HSPA12B: variants seen among roughly 807,000 people sequenced by gnomAD.
HSPA12B encodes heat shock protein family A (Hsp70) member 12B.
Under a neutral mutation model 69.3 loss-of-function variants are expected in HSPA12B, and 54 were observed. The ratio of observed to expected loss-of-function variants is 0.78; its 90% CI spans 0.63 to 0.98. The LOEUF is 0.98. HSPA12B is among the 50% of genes least tolerant of loss of function. HSPA12B has a pLI of 0.00. For synonymous variants in HSPA12B, 441 were observed against 436.5 expected, an observed-to-expected ratio of 1.01 and a Z score of -0.13; for missense variants, 929 against 999.8, an observed-to-expected ratio of 0.93 and a Z score of 0.96.
chr20:3,751,933 T>G lies in HSPA12B; in HGVS notation c.1828T>G (p.Cys610Gly). 6.3e-7 allele frequency: 1 copy of G among 1,588,274 alleles called. No individual in the cohort carries two copies. The highest frequency in any genetic ancestry group is 8.5e-7 in the Non-Finnish European group (1 of 1,172,176). ...GQRRVLINLYCCAAEDARFIT... is the reference protein window; with the variant it reads ...GQRRVLINLYGCAAEDARFIT... ...GCGGCGCGTACTCATCAACCTGTAC[T>G]GCTGCGCGGCAGAGGATGCGCGCTT... The change falls in exon 13 of 13, where the codon TGC becomes GGC. Residue 610 changes from cysteine to glycine, a missense_variant. By Grantham distance (159) the Cys-to-Gly change is radical. Coordinates refer to ENST00000254963, the MANE Select transcript of HSPA12B (RefSeq NM_052970.5).
At position 3,751,950 on chromosome 20, in the gene HSPA12B, T is replaced by TG. The variant is rs747409375; in HGVS notation, c.1846dup (p.Ala616GlyfsTer20). The TG allele has an allele frequency of 3.2e-6, 5 of 1,584,594 alleles. No homozygotes were observed. In the South Asian group the frequency reaches 5.6e-5, roughly 18 times the overall value. On this transcript the variant is annotated frameshift_variant, in exon 13 of 13. Coordinates refer to ENST00000254963, the MANE Select transcript of HSPA12B (RefSeq NM_052970.5). LOFTEE classifies it high-confidence loss of function. Reference sequence around the variant, plus strand: ...ACCTGTACTGCTGCGCGGCAGAGGATGCGCGCTTCATCACCGACCCCGGCG... The same window carrying TG: ...ACCTGTACTGCTGCGCGGCAGAGGATGGCGCGCTTCATCACCGACCCCGGCG...
intron 12 of HSPA12B, 68 bp downstream of exon 12, chr20:3,750,975 C>CA: frequency 7.6e-7 from 1 of 1,312,198 alleles, no homozygotes. Context: ...AATTCCCCCC[C>CA]ATCAGTGCCT....
Position 3,745,536 on chromosome 20 carries a change from C to G in HSPA12B, c.497C>G (p.Thr166Arg), listed in dbSNP as rs2088284090. Residue 166 changes from threonine (T) to arginine (R), a missense_variant, in exon 6 of 13, where the codon ACG becomes AGG. Thr to Arg is a moderately conservative substitution (Grantham distance 71, BLOSUM62 -1). Transcript: ENST00000254963. The surrounding 1 kb of genome is among the most constrained non-coding windows in gnomAD (Gnocchi z 5.6). ...KTQLEAVNGKTMPALEVFAHA... is the reference protein window; with the variant it reads ...KTQLEAVNGKRMPALEVFAHA... ...CAGCTAGAGGCAGTAAATGGAAAGA[C>G]GATGCCCGCCCTGGAGGTGTTCGCC... 1 of 1,614,040 alleles carries G rather than the reference C, an allele frequency of 6.2e-7. No homozygotes were observed. Among genetic ancestry groups the G allele is most frequent in the African/African-American group, 1.3e-5 (1 of 74,924 alleles).
In HSPA12B at chr20:3,749,304, C is replaced by G; in HGVS notation, c.923C>G (p.Ala308Gly). The change falls in exon 9 of 13, where the codon GCA (alanine) becomes GGA (glycine). Residue 308 changes from alanine to glycine, a missense_variant. Ala to Gly is a moderately conservative substitution (Grantham distance 60). This residue lies in a region of HSPA12B where 477 missense variants were observed against 535.2 expected (regional missense o/e 0.89). Transcript: ENST00000254963. This position sits in a 1 kb window ranked among gnomAD's most constrained non-coding sequence, Gnocchi z 5.5. The stretch of plus-strand genomic sequence containing the variant: ...GAGTCAGGCGTAGGAGAGCTGTGGG[C>G]AGAGATGCAAGCAGGTAGGGGGAAA... ...LVESGVGELWAEMQAGDRYVV... is the reference protein window; with the variant it reads ...LVESGVGELWGEMQAGDRYVV... The G allele has an allele frequency of 1.9e-6, 3 of 1,613,326 alleles. No homozygotes were observed. The highest frequency in any genetic ancestry group is 2.5e-6 in the Non-Finnish European group (3 of 1,179,742).
At chr20:3,734,793 G>A (rs1421222485) in intron 1 of HSPA12B, among the ~76,000 whole-genome samples, 5 of 148,754 alleles carry the variant, frequency 3.4e-5, no homozygotes, top group African/African-American at 1.3e-4. Flanking sequence ...AGGCTGGAGT[G>A]CAGTGGTGTG....
At position 3,752,089 on chromosome 20, in the gene HSPA12B, A is replaced by G. The variant is rs2146596069; in HGVS notation, c.1984A>G (p.Thr662Ala). The G allele has an allele frequency of 6.6e-7, 1 of 1,521,200 alleles. No homozygotes were observed. The highest frequency in any genetic ancestry group is 8.8e-7 in the Non-Finnish European group (1 of 1,142,172). The allele number at this position is 1,521,200 out of a possible 1,614,324, so 94.2% of individuals were successfully genotyped here. Residue 662 changes from threonine to alanine, a missense_variant, in exon 13 of 13, where the codon ACC becomes GCC. Transcript: ENST00000254963. Reference protein sequence around the residue: ...EIRAAMQFGDTEIKVTAVDVS... With the variant: ...EIRAAMQFGDAEIKVTAVDVS... ...CCGCGCCGCCATGCAGTTTGGCGACACCGAAATTAAGGTCACCGCCGTCGA... is the reference window on the plus strand; with the variant it reads ...CCGCGCCGCCATGCAGTTTGGCGACGCCGAAATTAAGGTCACCGCCGTCGA...
Position 3,749,322 on chromosome 20 carries a change from G to A in HSPA12B, c.937+4G>A. 1 of 1,611,622 alleles carries A rather than the reference G, an allele frequency of 6.2e-7. No individual in the cohort carries two copies. Among genetic ancestry groups the A allele is most frequent in the Non-Finnish European group, 8.5e-7 (1 of 1,178,456 alleles). On this transcript the variant is annotated splice_donor_region_variant and intron_variant, in intron 9 of 12. Coordinates refer to ENST00000254963, the MANE Select transcript of HSPA12B (RefSeq NM_052970.5). The surrounding 1 kb of genome is among the most constrained non-coding windows in gnomAD (Gnocchi z 5.5). The stretch of plus-strand genomic sequence containing the variant: ...CTGTGGGCAGAGATGCAAGCAGGTA[G>A]GGGGAAAGGGGGACGGAGTGTTATC...
chr20:3,737,427 C>T lies in HSPA12B; in HGVS notation c.-17-1231C>T, dbSNP rs2088125972. Among the ~76,000 whole-genome samples, 2 of 152,352 alleles carry T rather than the reference C, an allele frequency of 1.3e-5. No individual in the cohort carries two copies. The highest frequency in any genetic ancestry group is 4.1e-4 in the South Asian group (2 of 4,834). On this transcript the variant is annotated intron_variant, in intron 1 of 12. Coordinates refer to ENST00000254963, the MANE Select transcript of HSPA12B (RefSeq NM_052970.5). This position sits in a 1 kb window ranked among gnomAD's most constrained non-coding sequence, Gnocchi z 4.1. ...CTCAATATGATTGCGTCACTACACT[C>T]CAGCCTGGGCAACAGAGTGAAACTC...
chr20:3,733,298 G>T, intron 1 of HSPA12B, among the ~76,000 whole-genome samples: 1 of 152,132 alleles, frequency 6.6e-6, no homozygotes, highest in East Asian at 1.9e-4. Context: ...GTCCAGGTGG[G>T]GTGGGGTCCA....
At chr20:3,742,185 G>A (rs1047406812) in intron 3 of HSPA12B, 99 bp from the exon 4 acceptor site, 26 of 1,533,936 alleles carry the variant, frequency 1.7e-5, no homozygotes, top group Admixed American at 8.8e-5. Flanking sequence ...CACAGTCAGT[G>A]GAGGGGAGTG....
rs1026082636 is a variant in HSPA12B at position 3,740,564 on chromosome 20, G to A, written c.44-251G>A. ...ACTGTGTGTCTGAGGGGCCCTAGTG[G>A]GGAGACAGTGAGCTCCTGGGGAAAG... is the stretch of plus-strand genomic sequence containing the variant. On this transcript the variant is annotated intron_variant, in intron 2 of 12. Coordinates refer to ENST00000254963, the MANE Select transcript of HSPA12B (RefSeq NM_052970.5). This position sits in a 1 kb window ranked among gnomAD's most constrained non-coding sequence, Gnocchi z 4.9. Among the ~76,000 whole-genome samples, 5 of 152,156 alleles carry A rather than the reference G, an allele frequency of 3.3e-5. No individual in the cohort carries two copies. The highest frequency in any genetic ancestry group is 1.2e-4 in the African/African-American group (5 of 41,430).
In HSPA12B at chr20:3,748,250, C is replaced by T. The variant is rs754731892; in HGVS notation, c.709C>T (p.Leu237=). ...GLVSRENAEQ[L]LIALEPEAAS... ...AGTGTCCCGAGAGAATGCAGAGCAGCTACTCATCGCCCTGGAGCCCGAGGC... is the reference window on the plus strand; with the variant it reads ...AGTGTCCCGAGAGAATGCAGAGCAGTTACTCATCGCCCTGGAGCCCGAGGC... Residue 237 remains leucine (L), a synonymous_variant, in exon 8 of 13, where the codon CTA becomes TTA. Coordinates refer to ENST00000254963, the MANE Select transcript of HSPA12B (RefSeq NM_052970.5). The T allele has an allele frequency of 1.5e-5, 24 of 1,596,744 alleles. No homozygotes were observed. Among genetic ancestry groups the T allele is most frequent in the Admixed American group, 5.1e-5 (3 of 58,532 alleles).
At position 3,737,231 on chromosome 20, in the gene HSPA12B, T is replaced by C. The variant is rs1304543051; in HGVS notation, c.-17-1427T>C. ...ACACTTTGAGTAACAAAGCTGTTGA[T>C]GGTTTGAAATATCCTGCCTATAGCC... On this transcript the variant is annotated intron_variant, in intron 1 of 12. Transcript: ENST00000254963. The surrounding 1 kb of genome is among the most constrained non-coding windows in gnomAD (Gnocchi z 4.1). 2.0e-5 allele frequency among the ~76,000 whole-genome samples: 3 copies of C among 152,292 alleles called. No homozygotes were observed. The highest frequency in any genetic ancestry group is 2.1e-4 in the South Asian group (1 of 4,820).
In HSPA12B at chr20:3,749,861, A is replaced by G. The variant is rs2088377883; in HGVS notation, c.1042+7A>G. 6.3e-7 allele frequency: 1 copy of G among 1,595,694 alleles called. No homozygotes were observed. Among genetic ancestry groups the G allele is most frequent in the Non-Finnish European group, 8.5e-7 (1 of 1,171,522 alleles). The stretch of plus-strand genomic sequence containing the variant: ...GAGCTCTACAAGGCATCTGGTGAGT[A>G]GCCAGGCGGCGCCCCGGTACCCAGC... On this transcript the variant is annotated splice_region_variant and intron_variant, in intron 10 of 12. Transcript: ENST00000254963. The surrounding 1 kb of genome is among the most constrained non-coding windows in gnomAD (Gnocchi z 5.5).
Position 3,750,236 on chromosome 20 carries a change from T to G in HSPA12B, c.1301+9T>G, listed in dbSNP as rs1352496825. The stretch of plus-strand genomic sequence containing the variant: ...GCTCTGCGCAGGAGCAGGTGGGTCC[T>G]GAGCCCGCGGGCTCAGGCAGGGTTT... On this transcript the variant is annotated intron_variant, in intron 11 of 12. Transcript: ENST00000254963. The G allele has an allele frequency of 6.3e-7, 1 of 1,579,216 alleles. No homozygotes were observed. Among genetic ancestry groups the G allele is most frequent in the South Asian group, 1.1e-5 (1 of 88,840 alleles).
chr20:3,748,599 C>T (rs1032575150), intron 8 of HSPA12B, among the ~76,000 whole-genome samples: 1 of 152,146 alleles, frequency 6.6e-6, no homozygotes, highest in Admixed American at 6.5e-5. Context: ...GTGGGACATG[C>T]CCTACCTAGG....
At chr20:3,736,100 C>T (rs1248417747) in intron 1 of HSPA12B, among the ~76,000 whole-genome samples, 1 of 152,208 alleles carries the variant, frequency 6.6e-6, no homozygotes, top group African/African-American at 2.4e-5. Context: ...AATGTGATGT[C>T]ATTGAATGCA....
chr20:3,749,268 C>T lies in HSPA12B; in HGVS notation c.887C>T (p.Thr296Met). Reference sequence around the variant, plus strand: ...CTGCGAAGGTCCCGCCACAGCCGCACGTTCCTGGTGGAGTCAGGCGTAGGA... The same window carrying T: ...CTGCGAAGGTCCCGCCACAGCCGCATGTTCCTGGTGGAGTCAGGCGTAGGA... ...EQLRRSRHSR[T>M]FLVESGVGEL... The change falls in exon 9 of 13, where the codon ACG becomes ATG. Residue 296 changes from threonine to methionine, a missense_variant. By Grantham distance (81) the Thr-to-Met change is moderately conservative. This residue lies in a region of HSPA12B where 477 missense variants were observed against 535.2 expected (regional missense o/e 0.89). Transcript: ENST00000254963. The surrounding 1 kb of genome is among the most constrained non-coding windows in gnomAD (Gnocchi z 5.5). 3 of 1,613,718 alleles carry T rather than the reference C, an allele frequency of 1.9e-6. No homozygotes were observed. The highest frequency in any genetic ancestry group is 1.1e-5 in the South Asian group (1 of 91,036).
At chr20:3,734,573 G>A (rs756660080) in intron 1 of HSPA12B, among the ~76,000 whole-genome samples, 2 of 152,102 alleles carry the variant, frequency 1.3e-5, no homozygotes, top group Non-Finnish European at 2.9e-5. Flanking sequence ...TTTCAGCTGT[G>A]GACTCTGCCC....
Sources: gnomAD v4.1 joint callset for allele counts (sites outside exome capture counted in the v4.1 genomes callset) on GRCh38, gnomAD v4.1.1 for gene constraint, gnomAD v4.1.1 regional missense constraint, Gnocchi (gnomAD v3.1) non-coding constraint, MANE v1.5 for transcripts, NCBI Gene and HGNC (gene_info 2026-07-23, HGNC 2026-07-21) for gene names.